ANKRD45: variants seen among roughly 807,000 people sequenced by gnomAD.
ANKRD45 encodes ankyrin repeat domain 45, also known as ankyrin repeat domain-containing protein 45.
In ANKRD45, 21 loss-of-function variants were observed where a neutral mutation model predicts 28.1. The ratio of observed to expected loss-of-function variants is 0.75; its 90% CI spans 0.53 to 1.08. The LOEUF is 1.08. ANKRD45 is among the 50% of genes least tolerant of loss of function. ANKRD45 has a pLI of 0.00. For missense variants in ANKRD45, 261 were observed against 308.7 expected (o/e 0.85, Z 1.16); for synonymous variants, 86 against 103.9 (o/e 0.83, Z 1.05).
intron 5 of ANKRD45, among the ~76,000 whole-genome samples, chr1:173,621,285 A>T (rs1296918460): frequency 6.6e-6 from 1 of 152,132 alleles, no homozygotes. Flanking sequence ...AAAAGGAAGG[A>T]CTCCTTTCTA....
chr1:173,687,784 T>A, the ANKRD45 span, among the ~76,000 whole-genome samples: 1 of 152,158 alleles, frequency 6.6e-6, no homozygotes. Flanking sequence ...TTCCTAACTC[T>A]GCTTCTACAA....
the ANKRD45 span, among the ~76,000 whole-genome samples, chr1:173,679,103 T>G: frequency 6.6e-6 from 1 of 152,130 alleles, no homozygotes; most frequent in Non-Finnish European, 1.5e-5. Context: ...ATCAATATCG[T>G]GAAAATGGCC....
the ANKRD45 span, among the ~76,000 whole-genome samples, chr1:173,699,231 T>A: frequency 6.7e-3 from 1,025 of 152,270 alleles, 6 homozygotes; most frequent in Non-Finnish European, 9.5e-3. Flanking sequence ...ACAGCTGAAT[T>A]CTACCAGAGG....
intron 2 of ANKRD45, among the ~76,000 whole-genome samples, chr1:173,656,322 A>G (rs1164967385): frequency 6.6e-6 from 1 of 152,170 alleles, no homozygotes. Flanking sequence ...CTTTATTTGT[A>G]TCACATTTTC....
the ANKRD45 span, among the ~76,000 whole-genome samples, chr1:173,700,803 A>C: frequency 1.3e-5 from 2 of 152,256 alleles, no homozygotes; most frequent in African/African-American, 4.8e-5. Flanking sequence ...AATGGCAACA[A>C]AAGCCAAAAT....
the ANKRD45 span, among the ~76,000 whole-genome samples, chr1:173,688,969 A>G: frequency 5.9e-5 from 9 of 152,288 alleles, no homozygotes; most frequent in East Asian, 1.7e-3. Context: ...TGGGGGGAAC[A>G]AACAGAGGAG....
chr1:173,664,704 C>T (rs1464074006), intron 1 of ANKRD45, among the ~76,000 whole-genome samples: 2 of 152,156 alleles, frequency 1.3e-5, no homozygotes, highest in African/African-American at 4.8e-5. Context: ...CTAATTGTTT[C>T]AAGTACGTAA....
At chr1:173,711,651 A>G in the ANKRD45 span, among the ~76,000 whole-genome samples, 20 of 152,306 alleles carry the variant, frequency 1.3e-4, no homozygotes, top group African/African-American at 4.6e-4. Context: ...CACACACCCA[A>G]TCTAAATAAA....
chr1:173,612,319 A>AGAAGGAAGGAAGGAAGGAAG (rs200258529), intron 5 of ANKRD45, among the ~76,000 whole-genome samples: 2,732 of 130,268 alleles, frequency 0.021, 71 homozygotes, highest in East Asian at 0.079. Context: ...AAGGAAGGAA[A>AGAAGGAAGGAAGGAAGGAAG]GAAGGAAGGA....
At chr1:173,648,189 C>T (rs773104738) in intron 2 of ANKRD45, among the ~76,000 whole-genome samples, 4 of 152,152 alleles carry the variant, frequency 2.6e-5, no homozygotes, top group Non-Finnish European at 5.9e-5. Flanking sequence ...CCACTTGCCT[C>T]AGCCTCCCAA....
chr1:173,661,396 ATGT>A (rs1669769929), intron 1 of ANKRD45, among the ~76,000 whole-genome samples: 1 of 152,224 alleles, frequency 6.6e-6, no homozygotes, highest in African/African-American at 2.4e-5. Context: ...GGGAATGAGC[ATGT>A]TGGCCAATTT....
upstream of ANKRD45, among the ~76,000 whole-genome samples, chr1:173,674,443 G>A (rs1238709279): frequency 1.3e-5 from 2 of 152,094 alleles, no homozygotes; most frequent in Non-Finnish European, 2.9e-5. Context: ...TGCCAAAGTT[G>A]AGGATGCACG....
At chr1:173,671,814 G>A (rs980476392), upstream of ANKRD45, among the ~76,000 whole-genome samples, 2 of 151,310 alleles carry the variant, frequency 1.3e-5, no homozygotes, top group Middle Eastern at 3.4e-3. Context: ...CCCGGGAGGC[G>A]GAGGTTACAG....
At chr1:173,706,981 A>G in the ANKRD45 span, among the ~76,000 whole-genome samples, 2 of 152,166 alleles carry the variant, frequency 1.3e-5, no homozygotes, top group African/African-American at 4.8e-5. Context: ...CCTACTTTAT[A>G]GGTGGTAAAT....
chr1:173,709,111 T>C, the ANKRD45 span, among the ~76,000 whole-genome samples: 2 of 152,254 alleles, frequency 1.3e-5, no homozygotes, highest in Non-Finnish European at 2.9e-5. Context: ...TCTCTGGCTT[T>C]AGTGTCTTTC....
chr1:173,703,740 C>G, the ANKRD45 span, among the ~76,000 whole-genome samples: 1 of 152,216 alleles, frequency 6.6e-6, no homozygotes, highest in Non-Finnish European at 1.5e-5. Context: ...TTATGGCTTG[C>G]ACCAGTGTCC....
At chr1:173,652,081 C>A (rs970935684) in intron 2 of ANKRD45, among the ~76,000 whole-genome samples, 5 of 152,056 alleles carry the variant, frequency 3.3e-5, no homozygotes, top group Non-Finnish European at 7.4e-5. Context: ...ATTGAATACC[C>A]TTTATTTCCT....
chr1:173,626,918 G>A, intron 4 of ANKRD45, 147 bp downstream of exon 4: 1 of 566,830 alleles, frequency 1.8e-6, no homozygotes. Flanking sequence ...AAGAAAGGAA[G>A]GGAAGGTAGG....
the ANKRD45 span, among the ~76,000 whole-genome samples, chr1:173,678,548 T>A: frequency 1.3e-5 from 2 of 152,144 alleles, no homozygotes; most frequent in Admixed American, 1.3e-4. Context: ...AAACTAGGTG[T>A]TGATGGAAGG....
Sources: gnomAD v4.1 joint callset for allele counts (sites outside exome capture counted in the v4.1 genomes callset) on GRCh38, gnomAD v4.1.1 for gene constraint, MANE v1.5 for transcripts, NCBI Gene and HGNC (gene_info 2026-07-23, HGNC 2026-07-21) for gene names.